The following NDFIP1 variants were observed in gnomAD, a reference collection of about 807,000 sequenced individuals.
NDFIP1 encodes NEDD4 family-interacting protein 1.
In NDFIP1, 7 loss-of-function variants were observed where a neutral mutation model predicts 28.8. The ratio of observed to expected loss-of-function variants is 0.24; its 90% CI spans 0.14 to 0.46. The LOEUF (loss-of-function observed/expected upper bound fraction) is 0.46. Among genes scored for constraint, NDFIP1 ranks in the 20% least tolerant of loss-of-function variants. The pLI, the probability that NDFIP1 is intolerant of heterozygous loss-of-function variation, is 0.99. For missense variants in NDFIP1, 194 were observed against 269.1 expected (o/e 0.72, Z 1.95); for synonymous variants, 92 against 101.0 (o/e 0.91, Z 0.53).
intron 1 of NDFIP1, 56 bp downstream of exon 1, chr5:142,109,093 C>T (rs1756984079): frequency 3.9e-6 from 5 of 1,291,340 alleles, no homozygotes; most frequent in Non-Finnish European, 4.9e-6. Context: ...GCCCTGCCCG[C>T]TGGCCGCCTC....
intron 6 of NDFIP1, among the ~76,000 whole-genome samples, chr5:142,141,455 C>A (rs946022350): frequency 1.3e-5 from 2 of 151,922 alleles, no homozygotes; most frequent in Admixed American, 1.3e-4. Flanking sequence ...GGATTACAGG[C>A]CTGAGCCACC....
At chr5:142,145,560 A>G (rs1411573833) in intron 7 of NDFIP1, among the ~76,000 whole-genome samples, 2 of 152,126 alleles carry the variant, frequency 1.3e-5, no homozygotes, top group African/African-American at 2.4e-5. Flanking sequence ...TATAAAGGAT[A>G]GGTGGTGTAG....
At chr5:142,137,637 C>T (rs1757289824) in intron 4 of NDFIP1, 97 bp from the exon 5 acceptor site, 1 of 1,406,932 alleles carries the variant, frequency 7.1e-7, no homozygotes, top group African/African-American at 1.4e-5. Flanking sequence ...TGTCTTTTAT[C>T]CTTTGGAAAG....
intron 5 of NDFIP1, 69 bp from the exon 6 acceptor site, chr5:142,140,494 G>T: frequency 1.1e-5 from 13 of 1,147,480 alleles, no homozygotes; most frequent in African/African-American, 1.6e-5. Flanking sequence ...GTGATTTTGT[G>T]TACCCTTAAG....
At chr5:142,122,389 A>C (rs1030537494) in intron 1 of NDFIP1, among the ~76,000 whole-genome samples, 1 of 152,186 alleles carries the variant, frequency 6.6e-6, no homozygotes, top group African/African-American at 2.4e-5. Context: ...AAAATACCAC[A>C]ATTTATTTAC....
At chr5:142,110,484 T>A (rs1283851212) in intron 1 of NDFIP1, among the ~76,000 whole-genome samples, 5 of 152,210 alleles carry the variant, frequency 3.3e-5, no homozygotes, top group Admixed American at 3.3e-4. Context: ...TGTACTGCCA[T>A]CTTCTTGAGC....
intron 5 of NDFIP1, chr5:142,138,080 T>C (rs1265401057): frequency 2.3e-5 from 10 of 426,042 alleles, no homozygotes; most frequent in Non-Finnish European, 4.2e-5. Flanking sequence ...CTATCATTAA[T>C]ATTGTTCACC....
At chr5:142,121,707 A>C (rs575385580) in intron 1 of NDFIP1, among the ~76,000 whole-genome samples, 19 of 152,192 alleles carry the variant, frequency 1.2e-4, no homozygotes, top group Non-Finnish European at 2.8e-4. Flanking sequence ...TGTCCTCTCT[A>C]CAGTTATAGC....
chr5:142,121,191 G>C (rs112272364), intron 1 of NDFIP1, among the ~76,000 whole-genome samples: 1,756 of 152,308 alleles, frequency 0.012, 35 homozygotes, highest in African/African-American at 0.04. Context: ...TTGTGATCAA[G>C]ATAAGTTTTC....
At chr5:142,131,575 T>G (rs1321641042) in intron 1 of NDFIP1, among the ~76,000 whole-genome samples, 1 of 152,356 alleles carries the variant, frequency 6.6e-6, no homozygotes, top group East Asian at 1.9e-4. Context: ...GAATTTAGGT[T>G]GTTTCTAATT....
chr5:142,133,019 G>T (rs1757241775), intron 3 of NDFIP1, among the ~76,000 whole-genome samples: 1 of 152,246 alleles, frequency 6.6e-6, no homozygotes, highest in Admixed American at 6.5e-5. Flanking sequence ...CAGAAATGCG[G>T]GGACCATCAG....
chr5:142,125,946 A>T (rs553987993), intron 1 of NDFIP1, among the ~76,000 whole-genome samples: 3 of 152,170 alleles, frequency 2.0e-5, no homozygotes, highest in Non-Finnish European at 4.4e-5. Flanking sequence ...CCATTTTATA[A>T]TTGGGTTGCC....
At position 142,154,215 on chromosome 5, in the gene NDFIP1, ATTTAC is replaced by A. The variant is rs1757475923; in HGVS notation, c.*2490_*2494del. ...AAAGGTATTCATAGGAACCGCGGTT[ATTTAC>A]TTAAGGTTATGGAGTAAACTAGCTT... On this transcript the variant is annotated 3_prime_UTR_variant, in exon 8 of 8. Coordinates refer to ENST00000253814, the MANE Select transcript of NDFIP1 (RefSeq NM_030571.4). 6.6e-6 allele frequency: 1 copy of A among 152,328 alleles called. No individual in the cohort carries two copies. The highest frequency in any genetic ancestry group is 2.1e-4 in the South Asian group (1 of 4,822). The allele number at this position is 152,328 out of a possible 1,614,324, so 9.4% of individuals were successfully genotyped here.
chr5:142,138,520 C>T (rs1757296522), intron 5 of NDFIP1, among the ~76,000 whole-genome samples: 1 of 152,190 alleles, frequency 6.6e-6, no homozygotes, highest in Admixed American at 6.5e-5. Flanking sequence ...ATAAACAAAA[C>T]CAATTTATCC....
chr5:142,116,228 G>A (rs1400016999), intron 1 of NDFIP1, among the ~76,000 whole-genome samples: 1 of 152,150 alleles, frequency 6.6e-6, no homozygotes, highest in African/African-American at 2.4e-5. Context: ...TATATTAAAT[G>A]TCCTAAATAC....
rs1757470145 is a variant in NDFIP1, at chr5:142,153,643, A to G, written c.*1915A>G. On this transcript the variant is annotated 3_prime_UTR_variant, in exon 8 of 8. Transcript: ENST00000253814. ...TTCCATTTCGAATCAGATTATAGCA[A>G]CAATGGAGTTTGGAAGTTTGTATGG... 6.6e-6 allele frequency: 2 copies of G among 301,070 alleles called. No homozygotes were observed. The highest frequency in any genetic ancestry group is 4.3e-5 in the Admixed American group (1 of 23,060). The allele number at this position is 301,070 out of a possible 1,614,324, so 18.6% of individuals were successfully genotyped here.
intron 5 of NDFIP1, 132 bp from the exon 6 acceptor site, chr5:142,140,429 CAA>C: frequency 1.6e-6 from 1 of 612,514 alleles, no homozygotes. Context: ...GCCTGGGCAA[CAA>C]GAGCGAAACT....
In NDFIP1 at chr5:142,141,127, C is replaced by T. The variant is rs186923372; in HGVS notation, c.562+498C>T. Among the ~76,000 whole-genome samples, 397 of 148,066 alleles carry T rather than the reference C, an allele frequency of 2.7e-3. 2 individuals are homozygous for T. The highest frequency in any genetic ancestry group is 9.4e-3 in the African/African-American group (379 of 40,216). Reference sequence around the variant, plus strand: ...GGATTTCCAGAATGCTTTAGTTTACCGTTGGTGAGAATAAGAACTATTTTA... The same window carrying T: ...GGATTTCCAGAATGCTTTAGTTTACTGTTGGTGAGAATAAGAACTATTTTA... On this transcript the variant is annotated intron_variant, in intron 6 of 7. Coordinates refer to ENST00000253814, the MANE Select transcript of NDFIP1 (RefSeq NM_030571.4).
rs534516587 is a variant in NDFIP1, at chr5:142,113,003, T to G, written c.63+3966T>G. On this transcript the variant is annotated intron_variant, in intron 1 of 7. Coordinates refer to ENST00000253814, the MANE Select transcript of NDFIP1 (RefSeq NM_030571.4). ...CATCCATAGATGAACGCAGATCTTC[T>G]GCGGTAGATGTGTGCATGAATTTTG... 1.6e-4 allele frequency among the ~76,000 whole-genome samples: 24 copies of G among 152,312 alleles called. No homozygotes were observed. In the South Asian group the frequency reaches 1.7e-3, roughly 11 times the overall value.
Sources: gnomAD v4.1 joint callset for allele counts (sites outside exome capture counted in the v4.1 genomes callset) on GRCh38, gnomAD v4.1.1 for gene constraint, MANE v1.5 for transcripts, NCBI Gene and HGNC (gene_info 2026-07-23, HGNC 2026-07-21) for gene names.